The following ATF6 variants were observed in gnomAD, a reference collection of about 807,000 sequenced individuals.
ATF6 encodes the protein cyclic AMP-dependent transcription factor ATF-6 alpha.
Under a neutral mutation model 83.6 loss-of-function variants are expected in ATF6, and 53 were observed. The observed-to-expected ratio is 0.63, with a 90% CI of 0.51 to 0.80. The LOEUF (loss-of-function observed/expected upper bound fraction) is 0.80. Among genes scored for constraint, ATF6 ranks in the 30% least tolerant of loss-of-function variants. The pLI is 0.00. For missense variants in ATF6, 744 were observed against 797.9 expected, an observed-to-expected ratio of 0.93 and a Z score of 0.81; for synonymous variants, 288 against 285.8, an observed-to-expected ratio of 1.01 and a Z score of -0.08.
At chr1:161,846,623 G>A in intron 10 of ATF6, 43 bp downstream of exon 10, 1 of 1,543,140 alleles carries the variant, frequency 6.5e-7, no homozygotes, top group Admixed American at 2.0e-5. Flanking sequence ...GTGATTTAAT[G>A]AAGCTGAAAC....
intron 14 of ATF6, among the ~76,000 whole-genome samples, chr1:161,877,949 G>A (rs1177212912): frequency 6.6e-6 from 1 of 152,020 alleles, no homozygotes; most frequent in East Asian, 1.9e-4. Flanking sequence ...TGGGGGGCAC[G>A]GTAATATGTT....
chr1:161,925,526 C>G (rs1468611328), intron 15 of ATF6, among the ~76,000 whole-genome samples: 3 of 151,998 alleles, frequency 2.0e-5, no homozygotes, highest in Non-Finnish European at 4.4e-5. Context: ...AGGATCCCTT[C>G]CCAACTTTAT....
intron 6 of ATF6, among the ~76,000 whole-genome samples, chr1:161,799,084 C>T (rs1412494564): frequency 1.3e-5 from 2 of 152,134 alleles, no homozygotes; most frequent in East Asian, 3.9e-4. Flanking sequence ...CCCAGCAGTC[C>T]CATTACTGGG....
Position 161,821,069 on chromosome 1 carries a change from G to A in ATF6, c.1096-1G>A. 6.2e-7 allele frequency: 1 copy of A among 1,601,258 alleles called. No homozygotes were observed. Among genetic ancestry groups the A allele is most frequent in the Non-Finnish European group, 8.5e-7 (1 of 1,173,220 alleles). On this transcript the variant is annotated splice_acceptor_variant, in intron 8 of 15. Transcript: ENST00000367942. LOFTEE classifies it high-confidence loss of function. ...GTATTTAATGTGGTCATTTCCTTTA[G>A]AACCAGAGGCTTAAAGTCCCTAGTC...
intron 9 of ATF6, among the ~76,000 whole-genome samples, chr1:161,826,994 C>T (rs4106114): frequency 0.12 from 17,573 of 141,926 alleles, 1,562 homozygotes; most frequent in East Asian, 0.33. Flanking sequence ...TGCAGTGGTG[C>T]GATCTTGGCT....
chr1:161,950,188 G>A (rs113293012), intron 15 of ATF6, among the ~76,000 whole-genome samples: 1,966 of 152,264 alleles, frequency 0.013, 15 homozygotes, highest in South Asian at 0.017. Context: ...TAGGCAGAGA[G>A]TAATTTGGTA....
intron 15 of ATF6, among the ~76,000 whole-genome samples, chr1:161,914,835 G>C (rs1416542056): frequency 6.6e-6 from 1 of 151,982 alleles, no homozygotes; most frequent in Admixed American, 6.6e-5. Flanking sequence ...TCCTTTCTTA[G>C]GTCCCACTTT....
chr1:161,830,391 C>T (rs951332842), intron 9 of ATF6, among the ~76,000 whole-genome samples: 42 of 152,150 alleles, frequency 2.8e-4, no homozygotes, highest in Non-Finnish European at 5.6e-4. Flanking sequence ...TTTATAGATT[C>T]AATGCCATCT....
chr1:161,890,926 C>A (rs551168473), intron 14 of ATF6: 1 of 152,272 alleles, frequency 6.6e-6, no homozygotes, highest in African/African-American at 2.4e-5. Flanking sequence ...CAAAGCTCGA[C>A]GCCTCTAGAA....
At chr1:161,893,707 T>C (rs1687609000) in intron 14 of ATF6, among the ~76,000 whole-genome samples, 2 of 152,224 alleles carry the variant, frequency 1.3e-5, no homozygotes, top group South Asian at 4.1e-4. Context: ...CTAAATCAGT[T>C]CATACCATTT....
At chr1:161,780,947 C>G (rs558791652) in intron 2 of ATF6, among the ~76,000 whole-genome samples, 3 of 152,262 alleles carry the variant, frequency 2.0e-5, no homozygotes, top group East Asian at 3.9e-4. Context: ...AACCCCTGGG[C>G]TCAAGCAATC....
chr1:161,836,975 T>A (rs1348700628), intron 9 of ATF6, among the ~76,000 whole-genome samples: 1 of 152,236 alleles, frequency 6.6e-6, no homozygotes, highest in Admixed American at 6.5e-5. Context: ...AGTACTTCGA[T>A]ATGTTCTTCA....
At chr1:161,926,856 C>T (rs1446492731) in intron 15 of ATF6, among the ~76,000 whole-genome samples, 3 of 152,080 alleles carry the variant, frequency 2.0e-5, no homozygotes, top group Non-Finnish European at 4.4e-5. Flanking sequence ...AAGTCATTTG[C>T]TTGACTGAAA....
intron 14 of ATF6, among the ~76,000 whole-genome samples, chr1:161,902,900 C>T (rs952132239): frequency 2.0e-5 from 3 of 152,148 alleles, no homozygotes; most frequent in African/African-American, 7.2e-5. Flanking sequence ...AAAGACCTCA[C>T]TGAGAAATTG....
At chr1:161,767,436 G>T (rs568841149) in intron 1 of ATF6, among the ~76,000 whole-genome samples, 1 of 152,264 alleles carries the variant, frequency 6.6e-6, no homozygotes, top group South Asian at 2.1e-4. Context: ...TTTAAGAGTT[G>T]CTGGAAAACT....
chr1:161,843,856 C>A (rs1012696434), intron 9 of ATF6, among the ~76,000 whole-genome samples: 5 of 152,006 alleles, frequency 3.3e-5, no homozygotes, highest in Non-Finnish European at 2.9e-5. Flanking sequence ...GGAAGAATTT[C>A]TTTTGCTAAT....
chr1:161,939,423 G>A (rs1313442092), intron 15 of ATF6, among the ~76,000 whole-genome samples: 4 of 152,100 alleles, frequency 2.6e-5, no homozygotes, highest in African/African-American at 4.8e-5. Flanking sequence ...CCATTAACTC[G>A]TCATTTATAT....
At chr1:161,810,898 T>C in intron 7 of ATF6, among the ~76,000 whole-genome samples, 1 of 152,168 alleles carries the variant, frequency 6.6e-6, no homozygotes, top group East Asian at 1.9e-4. Flanking sequence ...ACTTACCATA[T>C]TTTTTTCAAG....
intron 7 of ATF6, among the ~76,000 whole-genome samples, chr1:161,817,257 C>T (rs1447284765): frequency 6.6e-6 from 1 of 152,148 alleles, no homozygotes; most frequent in Non-Finnish European, 1.5e-5. Flanking sequence ...GATTAATTAG[C>T]CTTTAAAGTA....
Sources: gnomAD v4.1 joint callset for allele counts (sites outside exome capture counted in the v4.1 genomes callset) on GRCh38, gnomAD v4.1.1 for gene constraint, MANE v1.5 for transcripts, NCBI Gene and HGNC (gene_info 2026-07-23, HGNC 2026-07-21) for gene names.